The following CHRM3 variants were observed in gnomAD, a reference collection of about 807,000 sequenced individuals.
CHRM3 encodes the protein cholinergic receptor muscarinic 3, also known as muscarinic acetylcholine receptor M3.
CHRM3 carries 11 observed loss-of-function variants against 41.8 expected under a neutral mutation model. That is an observed-to-expected ratio of 0.26 (90% CI 0.17 to 0.44). The LOEUF (loss-of-function observed/expected upper bound fraction) is 0.44, where lower values mean the gene tolerates loss of function less well. Ranked by LOEUF, CHRM3 falls within the 20% of genes least tolerant of loss-of-function variation. The pLI, the probability that CHRM3 is intolerant of heterozygous loss-of-function variation, is 1.00. For synonymous variants in CHRM3, 297 were observed against 301.4 expected (o/e 0.99, Z 0.15); for missense variants, 571 against 745.4 (o/e 0.77, Z 2.72).
intron 4 of CHRM3, among the ~76,000 whole-genome samples, chr1:239,658,842 G>T (rs557347577): frequency 6.6e-6 from 1 of 151,858 alleles, no homozygotes; most frequent in Non-Finnish European, 1.5e-5. Flanking sequence ...GGGTTCAAGC[G>T]ATTCTCCCAC....
At chr1:239,483,944 A>G (rs1667024837) in intron 1 of CHRM3, among the ~76,000 whole-genome samples, 1 of 152,224 alleles carries the variant, frequency 6.6e-6, no homozygotes, top group East Asian at 1.9e-4. Flanking sequence ...TATTTTGTAC[A>G]GGAAGGAAAA....
chr1:239,683,674 A>G (rs1658795104), intron 5 of CHRM3, among the ~76,000 whole-genome samples: 1 of 152,230 alleles, frequency 6.6e-6, no homozygotes, highest in Non-Finnish European at 1.5e-5. Context: ...GCATCTCTGC[A>G]AACTCTAGTC....
chr1:239,459,206 T>G (rs958212072), intron 1 of CHRM3, among the ~76,000 whole-genome samples: 1 of 152,162 alleles, frequency 6.6e-6, no homozygotes, highest in African/African-American at 2.4e-5. Flanking sequence ...GAGTCCTTTT[T>G]GTCCCTAAAT....
intron 6 of CHRM3, among the ~76,000 whole-genome samples, chr1:239,839,061 C>A (rs558684451): frequency 8.5e-5 from 13 of 152,328 alleles, no homozygotes; most frequent in Admixed American, 3.9e-4. Context: ...ATCCAAAATA[C>A]ATATCTTCTT....
At chr1:239,485,811 C>A (rs1667150710) in intron 1 of CHRM3, among the ~76,000 whole-genome samples, 1 of 152,192 alleles carries the variant, frequency 6.6e-6, no homozygotes, top group Non-Finnish European at 1.5e-5. Flanking sequence ...ACCCTGTCAA[C>A]ACTAGAAGAT....
At chr1:239,762,914 TA>T (rs1471484151) in intron 5 of CHRM3, among the ~76,000 whole-genome samples, 4 of 152,212 alleles carry the variant, frequency 2.6e-5, no homozygotes, top group African/African-American at 9.6e-5. Context: ...TTCCTGTTGT[TA>T]TAAGATGCTG....
intron 5 of CHRM3, among the ~76,000 whole-genome samples, chr1:239,682,467 A>G (rs1658662788): frequency 3.3e-5 from 5 of 152,146 alleles, no homozygotes; most frequent in Admixed American, 3.3e-4. Flanking sequence ...AAAATCCATC[A>G]TTTTGCCACT....
chr1:239,897,208 C>A (rs575765004), intron 6 of CHRM3, among the ~76,000 whole-genome samples: 4 of 152,058 alleles, frequency 2.6e-5, no homozygotes, highest in Non-Finnish European at 5.9e-5. Context: ...GTTCTATCTG[C>A]GTGCATGAGT....
At chr1:239,740,414 G>C (rs1220386212) in intron 5 of CHRM3, among the ~76,000 whole-genome samples, 1 of 150,788 alleles carries the variant, frequency 6.6e-6, no homozygotes, top group Non-Finnish European at 1.5e-5. Context: ...GTTCTAGCTT[G>C]CTCTGAGGTA....
intron 1 of CHRM3, among the ~76,000 whole-genome samples, chr1:239,446,550 C>T (rs1664168695): frequency 6.6e-6 from 1 of 152,128 alleles, no homozygotes; most frequent in Admixed American, 6.5e-5. Context: ...TTAAATCCAT[C>T]ATGAGCTACC....
chr1:239,688,584 T>G (rs1187398543), intron 5 of CHRM3, among the ~76,000 whole-genome samples: 1 of 134,262 alleles, frequency 7.4e-6, no homozygotes, highest in Non-Finnish European at 1.5e-5. Context: ...TATATATTAC[T>G]CCATATAATA....
Position 239,650,335 on chromosome 1 carries a change from C to T in CHRM3, c.-250+18049C>T, listed in dbSNP as rs551937620. The stretch of plus-strand genomic sequence containing the variant: ...GCCAAGGTTAGCAGTTAGTATTTCA[C>T]TGCTCTAAGCCTTAGTTTCTCTCTG... On this transcript the variant is annotated intron_variant, in intron 4 of 6. Transcript: ENST00000676153. Among the ~76,000 whole-genome samples, 5 of 152,346 alleles carry T rather than the reference C, an allele frequency of 3.3e-5. No individual in the cohort carries two copies. In the South Asian group the frequency reaches 8.3e-4, roughly 25 times the overall value.
chr1:239,774,185 G>C (rs1667910489), intron 5 of CHRM3, among the ~76,000 whole-genome samples: 1 of 152,216 alleles, frequency 6.6e-6, no homozygotes, highest in South Asian at 2.1e-4. Flanking sequence ...TAATTGGTCT[G>C]TATGCAGGGA....
intron 2 of CHRM3, among the ~76,000 whole-genome samples, chr1:239,509,853 C>T (rs1668805652): frequency 6.6e-6 from 1 of 152,028 alleles, no homozygotes; most frequent in Non-Finnish European, 1.5e-5. Context: ...TTTGGGAGGC[C>T]GAAGTGGGCA....
chr1:239,597,481 G>A (rs1041837249), intron 3 of CHRM3, among the ~76,000 whole-genome samples: 3 of 151,092 alleles, frequency 2.0e-5, no homozygotes, highest in African/African-American at 4.9e-5. Context: ...TTCTGATCTT[G>A]TAGATTTTTT....
At chr1:239,901,088 G>T (rs763370885) in intron 6 of CHRM3, among the ~76,000 whole-genome samples, 11 of 152,184 alleles carry the variant, frequency 7.2e-5, no homozygotes, top group Non-Finnish European at 1.5e-5. Flanking sequence ...TTCTGCCATG[G>T]TGACCTAGTG....
chr1:239,790,383 T>G (rs764155399), intron 5 of CHRM3, among the ~76,000 whole-genome samples: 6 of 152,122 alleles, frequency 3.9e-5, no homozygotes, highest in Non-Finnish European at 7.3e-5. Context: ...TGGAAATAAT[T>G]TAATCATGGG....
intron 1 of CHRM3, among the ~76,000 whole-genome samples, chr1:239,428,906 T>C (rs931401531): frequency 3.9e-5 from 6 of 152,236 alleles, no homozygotes; most frequent in Non-Finnish European, 5.9e-5. Flanking sequence ...TAATCATTTT[T>C]AGTGGCTGAA....
chr1:239,398,911 C>CT (rs1487913626), intron 1 of CHRM3, among the ~76,000 whole-genome samples: 4 of 151,556 alleles, frequency 2.6e-5, no homozygotes, highest in African/African-American at 9.7e-5. Context: ...AATGTATAGT[C>CT]TAAAATTATA....
Sources: gnomAD v4.1 joint callset for allele counts (sites outside exome capture counted in the v4.1 genomes callset) on GRCh38, gnomAD v4.1.1 for gene constraint, MANE v1.5 for transcripts, NCBI Gene and HGNC (gene_info 2026-07-23, HGNC 2026-07-21) for gene names.